The following ROBO2 variants were observed in gnomAD, a reference collection of about 807,000 sequenced individuals.
The protein encoded by ROBO2 is roundabout guidance receptor 2, also known as roundabout homolog 2.
A neutral mutation model predicts 160.8 loss-of-function variants in ROBO2; 53 were observed. The observed-to-expected ratio is 0.33, with a 90% CI of 0.26 to 0.41. The LOEUF is 0.41. Ranked by LOEUF, ROBO2 falls within the 10% of genes least tolerant of loss-of-function variation. ROBO2 has a pLI of 1.00. For synonymous variants in ROBO2, 664 were observed against 611.7 expected (o/e 1.09, Z -1.26); for missense variants, 1,577 against 1,722.4 (o/e 0.92, Z 1.49).
intron 2 of ROBO2, among the ~76,000 whole-genome samples, chr3:75,940,209 A>C (rs2107059323): frequency 6.6e-6 from 1 of 152,302 alleles, no homozygotes; most frequent in Non-Finnish European, 1.5e-5. Flanking sequence ...AAGTTAAAAA[A>C]ACGGAAGACA....
intron 2 of ROBO2, among the ~76,000 whole-genome samples, chr3:77,242,138 A>G (rs1001217327): frequency 6.6e-6 from 1 of 152,198 alleles, no homozygotes; most frequent in South Asian, 2.1e-4. Flanking sequence ...GGCAGGGACT[A>G]TTAGTGTTAA....
At chr3:77,445,257 T>G (rs1425795987) in intron 2 of ROBO2, among the ~76,000 whole-genome samples, 2 of 152,162 alleles carry the variant, frequency 1.3e-5, no homozygotes, top group Non-Finnish European at 2.9e-5. Flanking sequence ...CTTTTTTAAT[T>G]TAAGGAAAAA....
Position 76,317,344 on chromosome 3 carries a change from C to T in ROBO2, c.109+379742C>T, listed in dbSNP as rs138305329. On this transcript the variant is annotated intron_variant, in intron 2 of 26. Coordinates refer to the ROBO2 transcript ENST00000487694. ...CTGGGAAATCATTTTTATTACAAGG[C>T]TTTTACTATATCATTTAAATGTCAG... Among the ~76,000 whole-genome samples the T allele has an allele frequency of 1.7e-4, 26 of 152,168 alleles. No individual in the cohort carries two copies. In the East Asian group the frequency reaches 5.0e-3, roughly 29 times the overall value.
intron 2 of ROBO2, among the ~76,000 whole-genome samples, chr3:77,296,091 A>T (rs1184101933): frequency 1.3e-5 from 2 of 151,664 alleles, no homozygotes; most frequent in African/African-American, 4.8e-5. Context: ...GATATGAAGT[A>T]AAATTGATGG....
In ROBO2 at chr3:76,083,502, A is replaced by G. The variant is rs2068906272; in HGVS notation, c.109+145900A>G. On this transcript the variant is annotated intron_variant, in intron 2 of 26. Transcript: ENST00000487694. ...GTTTTTTAGCAACAGCATGGGAAGGAAAAAAAATACACTTTTTGCTAGACT... is the reference window on the plus strand; with the variant it reads ...GTTTTTTAGCAACAGCATGGGAAGGGAAAAAAATACACTTTTTGCTAGACT... 5.9e-5 allele frequency among the ~76,000 whole-genome samples: 9 copies of G among 152,086 alleles called. No individual in the cohort carries two copies. In the South Asian group the frequency reaches 1.9e-3, roughly 32 times the overall value.
intron 2 of ROBO2, among the ~76,000 whole-genome samples, chr3:77,125,695 C>T (rs1206299256): frequency 6.6e-6 from 1 of 152,088 alleles, no homozygotes; most frequent in Non-Finnish European, 1.5e-5. Flanking sequence ...AAGTTTGCTT[C>T]ACCATAATTA....
chr3:77,459,860 A>G (rs2082057214), intron 2 of ROBO2, among the ~76,000 whole-genome samples: 1 of 149,544 alleles, frequency 6.7e-6, no homozygotes, highest in Non-Finnish European at 1.5e-5. Context: ...GGTAGATACT[A>G]CGAGATGAGA....
At chr3:76,841,507 C>A (rs2068260317) in intron 2 of ROBO2, among the ~76,000 whole-genome samples, 1 of 152,126 alleles carries the variant, frequency 6.6e-6, no homozygotes, top group South Asian at 2.1e-4. Context: ...CCCCCCTCCC[C>A]CTTTTATTTT....
In ROBO2 at chr3:76,681,822, G is replaced by A. The variant is rs543860836; in HGVS notation, c.110-416192G>A. 2.0e-5 allele frequency among the ~76,000 whole-genome samples: 3 copies of A among 152,196 alleles called. No individual in the cohort carries two copies. The East Asian group carries it at 5.8e-4, about 29-fold the overall frequency. On this transcript the variant is annotated intron_variant, in intron 2 of 26. Coordinates refer to the ROBO2 transcript ENST00000487694. ...TTCAATGGCAAAAACAGCAATTACTGTTGCACCAACTTAATACAAGGAGAT... is the reference window on the plus strand; with the variant it reads ...TTCAATGGCAAAAACAGCAATTACTATTGCACCAACTTAATACAAGGAGAT...
chr3:77,578,741 T>G (rs1317621800), intron 15 of ROBO2, among the ~76,000 whole-genome samples: 5 of 152,082 alleles, frequency 3.3e-5, no homozygotes, highest in Non-Finnish European at 7.4e-5. Flanking sequence ...TAGGACATTG[T>G]TTTAACAGAG....
At chr3:76,119,895 CCTTCCCTTCCTTCCCTCCCTCCCTTCCTT>C (rs2070653644) in intron 2 of ROBO2, among the ~76,000 whole-genome samples, 1 of 128,118 alleles carries the variant, frequency 7.8e-6, no homozygotes, top group African/African-American at 3.2e-5. Context: ...CCCTTCCCTT[CCTTCCCTTCCTTCCCTCCCTCCCTTCCTT>C]CCTTCCTTCC....
At chr3:77,077,733 A>G (rs2068162317) in intron 1 of ROBO2, among the ~76,000 whole-genome samples, 1 of 152,202 alleles carries the variant, frequency 6.6e-6, no homozygotes, top group African/African-American at 2.4e-5. Context: ...ACACACAGGT[A>G]TGTTCTTATC....
At chr3:76,965,744 AT>A (rs1212343858) in intron 2 of ROBO2, among the ~76,000 whole-genome samples, 1 of 146,050 alleles carries the variant, frequency 6.8e-6, no homozygotes, top group Non-Finnish European at 1.5e-5. Context: ...CAATGGTACT[AT>A]TCAAAAGGTA....
At chr3:77,353,904 AT>A (rs368156971) in intron 2 of ROBO2, among the ~76,000 whole-genome samples, 14 of 151,912 alleles carry the variant, frequency 9.2e-5, no homozygotes, top group African/African-American at 3.1e-4. Flanking sequence ...CTCTTCTTGG[AT>A]TAAACTCTAA....
At chr3:76,861,924 T>C (rs1385930714) in intron 2 of ROBO2, among the ~76,000 whole-genome samples, 1 of 152,152 alleles carries the variant, frequency 6.6e-6, no homozygotes. Flanking sequence ...TGGCTTAACA[T>C]GATCATTTAT....
chr3:76,407,547 A>G (rs1412662302), intron 2 of ROBO2, among the ~76,000 whole-genome samples: 1 of 151,952 alleles, frequency 6.6e-6, no homozygotes, highest in Non-Finnish European at 1.5e-5. Context: ...TAGCCAAAGG[A>G]TGCATCTTAC....
chr3:75,972,704 T>C (rs1553710944), intron 2 of ROBO2, among the ~76,000 whole-genome samples: 1 of 151,614 alleles, frequency 6.6e-6, no homozygotes, highest in Non-Finnish European at 1.5e-5. Context: ...GAGACATAAA[T>C]TCTTGGACCC....
chr3:77,480,982 T>C (rs1181054532), intron 3 of ROBO2, 117 bp from the exon 4 acceptor site: 1 of 888,438 alleles, frequency 1.1e-6, no homozygotes. Context: ...AATGGGAGAG[T>C]TTTTTCCTTT....
intron 2 of ROBO2, among the ~76,000 whole-genome samples, chr3:77,173,540 C>T (rs2079840879): frequency 6.6e-6 from 1 of 152,000 alleles, no homozygotes; most frequent in Non-Finnish European, 1.5e-5. Context: ...TGCTTGGCCA[C>T]TTAATAATCA....
Sources: gnomAD v4.1 joint callset for allele counts (sites outside exome capture counted in the v4.1 genomes callset) on GRCh38, gnomAD v4.1.1 for gene constraint, MANE v1.5 for transcripts, NCBI Gene and HGNC (gene_info 2026-07-23, HGNC 2026-07-21) for gene names.